The following SSTR5 variants were observed in gnomAD, a reference collection of about 807,000 sequenced individuals.
SSTR5 encodes the protein somatostatin receptor type 5.
Under a neutral mutation model 0.3 loss-of-function variants are expected in SSTR5, and 1 was observed. The observed-to-expected ratio is 2.98, with a 90% CI of 1.06 to 14.15. The LOEUF (loss-of-function observed/expected upper bound fraction) is 14.15, where lower values mean the gene tolerates loss of function less well. Among genes scored for constraint, SSTR5 ranks in the 30% most tolerant of loss-of-function variants. SSTR5 has a pLI of 0.12. For synonymous variants in SSTR5, 256 were observed against 263.1 expected (o/e 0.97, Z 0.26); for missense variants, 516 against 543.2 (o/e 0.95, Z 0.50).
chr16:1,078,618 G>A (rs1250646222), intron 1 of SSTR5: 15 of 581,456 alleles, frequency 2.6e-5, no homozygotes, highest in South Asian at 1.4e-4. Context: ...GCAGCCGTCC[G>A]TCTGGGCTCC....
Position 1,079,576 on chromosome 16 carries a change from C to T in SSTR5, c.708C>T (p.Gly236=). Residue 236 remains glycine, a synonymous_variant, in exon 2 of 2, where the codon GGC becomes GGT. Transcript: ENST00000689027. ...VKVRAAGVRV[G]CVRRRSERKV... ...TGAGGGCGGCGGGCGTGCGCGTGGG[C>T]TGCGTGCGGCGGCGCTCGGAGCGGA... 1 of 1,611,388 alleles carries T rather than the reference C, an allele frequency of 6.2e-7. No individual in the cohort carries two copies. Among genetic ancestry groups the T allele is most frequent in the Non-Finnish European group, 8.5e-7 (1 of 1,179,060 alleles).
chr16:1,079,996 AC>A lies in SSTR5; in HGVS notation c.*38del. On this transcript the variant is annotated 3_prime_UTR_variant, in exon 2 of 2. Coordinates refer to ENST00000689027, the MANE Select transcript of SSTR5 (RefSeq NM_001172560.3). ...GGCGGGGGGTGGGCGGCCCCGTGTC[AC>A]CCCCAGGAGCGGAGGTTGCACTGCG... 4 of 1,560,266 alleles carry A rather than the reference AC, an allele frequency of 2.6e-6. No homozygotes were observed. The highest frequency in any genetic ancestry group is 1.2e-5 in the South Asian group (1 of 83,094).
Position 1,079,802 on chromosome 16 carries a change from C to T in SSTR5, c.934C>T (p.Arg312Cys), listed in dbSNP as rs34011319. The change falls in exon 2 of 2, where the codon CGC becomes TGC. Residue 312 changes from arginine to cysteine, a missense_variant. Coordinates refer to ENST00000689027, the MANE Select transcript of SSTR5 (RefSeq NM_001172560.3). The part of the protein sequence containing the change: ...VLYGFLSDNF[R>C]QSFQKVLCLR... ...CTACGGCTTCCTCTCTGACAACTTC[C>T]GCCAGAGCTTCCAGAAGGTTCTGTG... is the stretch of plus-strand genomic sequence containing the variant. 23 of 1,612,368 alleles carry T rather than the reference C, an allele frequency of 1.4e-5. No individual in the cohort carries two copies. In the East Asian group the frequency reaches 2.5e-4, roughly 17 times the overall value.
At position 1,080,145 on chromosome 16, in the gene SSTR5, C is replaced by T; in HGVS notation, c.*182C>T. The T allele has an allele frequency of 8.4e-6, 7 of 829,626 alleles. No homozygotes were observed. The highest frequency in any genetic ancestry group is 1.3e-5 in the Non-Finnish European group (7 of 544,620). The allele number at this position is 829,626 out of a possible 1,614,324, so 51.4% of individuals were successfully genotyped here. A position where few individuals can be genotyped will look rare whatever the true frequency, so the allele number is the denominator to read the frequency against. On this transcript the variant is annotated 3_prime_UTR_variant, in exon 2 of 2. Coordinates refer to ENST00000689027, the MANE Select transcript of SSTR5 (RefSeq NM_001172560.3). ...GGTTCCCCACCGTGACCGACCATCC[C>T]CTCTAACCGTCTGCCACACAGCGGG...
Position 1,081,053 on chromosome 16 carries a change from C to T in SSTR5, c.*1090C>T. 2.1e-6 allele frequency: 1 copy of T among 470,346 alleles called. No individual in the cohort carries two copies. Among genetic ancestry groups the T allele is most frequent in the Non-Finnish European group, 4.4e-6 (1 of 226,672 alleles). 29.1% of individuals were successfully genotyped at this position (470,346 alleles called of 1,614,324 possible). Reference sequence around the variant, plus strand: ...GCGCGGGTGACGCAAATGGCAGGCCCTGGGAATCCCGCCGCCTCCCACCTA... The same window carrying T: ...GCGCGGGTGACGCAAATGGCAGGCCTTGGGAATCCCGCCGCCTCCCACCTA... On this transcript the variant is annotated 3_prime_UTR_variant, in exon 2 of 2. Transcript: ENST00000689027.
Position 1,078,859 on chromosome 16 carries a change from G to A in SSTR5, c.-10G>A, listed in dbSNP as rs778549943. 6.2e-7 allele frequency: 1 copy of A among 1,603,924 alleles called. No homozygotes were observed. The highest frequency in any genetic ancestry group is 1.1e-5 in the South Asian group (1 of 90,882). On this transcript the variant is annotated 5_prime_UTR_variant, in exon 2 of 2. Coordinates refer to ENST00000689027, the MANE Select transcript of SSTR5 (RefSeq NM_001172560.3). ...TCTTGCAGAGCCTGACGCACCCCAG[G>A]GCTGCCGCCATGGAGCCCCTGTTCC...
At position 1,079,506 on chromosome 16, in the gene SSTR5, C is replaced by T. The variant is rs753849011; in HGVS notation, c.638C>T (p.Pro213Leu). 1.3e-5 allele frequency: 21 copies of T among 1,611,936 alleles called. No individual in the cohort carries two copies. Among genetic ancestry groups the T allele is most frequent in the South Asian group, 8.8e-5 (8 of 91,016 alleles). The change falls in exon 2 of 2, where the codon CCG (proline) becomes CTG (leucine). Residue 213 changes from proline to leucine, a missense_variant. Transcript: ENST00000689027. ...IYTAVLGFFA[P>L]LLVICLCYLL... ...ACGGCCGTGCTGGGCTTCTTCGCGCCGCTGCTGGTCATCTGCCTGTGCTAC... is the reference window on the plus strand; with the variant it reads ...ACGGCCGTGCTGGGCTTCTTCGCGCTGCTGCTGGTCATCTGCCTGTGCTAC...
intron 1 of SSTR5, among the ~76,000 whole-genome samples, chr16:1,075,874 C>A (rs1394263531): frequency 2.2e-4 from 25 of 115,784 alleles, no homozygotes; most frequent in Non-Finnish European, 3.7e-4. Flanking sequence ...CTCCCTCTCT[C>A]CCCCTACCCT....
chr16:1,074,293 T>C (rs1322207612), intron 1 of SSTR5, among the ~76,000 whole-genome samples: 1 of 152,122 alleles, frequency 6.6e-6, no homozygotes, highest in African/African-American at 2.4e-5. Context: ...CCCGGGTGGG[T>C]CTGCAGCCTC....
At position 1,079,939 on chromosome 16, in the gene SSTR5, G is replaced by T. The variant is rs376667866; in HGVS notation, c.1071G>T (p.Gly357=). The change falls in exon 2 of 2, where the codon GGG becomes GGT. Residue 357 remains glycine (G), a synonymous_variant. Coordinates refer to ENST00000689027, the MANE Select transcript of SSTR5 (RefSeq NM_001172560.3). The stretch of plus-strand genomic sequence containing the variant: ...CCGCGCACCGCGCCGCAGCCAACGG[G>T]CTTATGCAGACCAGCAAGCTGTGAG... ...TPPAHRAAAN[G]LMQTSKL 5.7e-5 allele frequency: 92 copies of T among 1,604,848 alleles called. No homozygotes were observed. In the African/African-American group the frequency reaches 8.8e-4, roughly 15 times the overall value.
chr16:1,074,390 C>T (rs550268931), intron 1 of SSTR5, among the ~76,000 whole-genome samples: 4 of 152,226 alleles, frequency 2.6e-5, no homozygotes, highest in Non-Finnish European at 2.9e-5. Context: ...GCAGCCGCAT[C>T]GCTGCCCCCC....
intron 1 of SSTR5, among the ~76,000 whole-genome samples, chr16:1,076,542 A>G (rs1960216253): frequency 6.6e-6 from 1 of 151,056 alleles, no homozygotes; most frequent in African/African-American, 2.4e-5. Context: ...GCGCTCCCAG[A>G]AGGGATCCTG....
chr16:1,074,937 C>T (rs751753433), intron 1 of SSTR5, among the ~76,000 whole-genome samples: 3 of 152,188 alleles, frequency 2.0e-5, no homozygotes, highest in Non-Finnish European at 2.9e-5. Flanking sequence ...CCCCAGACCA[C>T]GCAGCCCGTG....
In SSTR5 at chr16:1,081,336, G is replaced by A; in HGVS notation, c.*1373G>A. ...TGGAGGGCACAGGGAGCGGCTGAGT[G>A]GGCACAAATCCTGGCAGGAGAAAGG... On this transcript the variant is annotated 3_prime_UTR_variant, in exon 2 of 2. Transcript: ENST00000689027. 2.9e-6 allele frequency: 1 copy of A among 344,912 alleles called. No homozygotes were observed. Among genetic ancestry groups the A allele is most frequent in the Non-Finnish European group, 6.0e-6 (1 of 167,276 alleles). 21.4% of individuals were successfully genotyped at this position (344,912 alleles called of 1,614,324 possible).
At chr16:1,075,957 A>G (rs536353731) in intron 1 of SSTR5, among the ~76,000 whole-genome samples, 4 of 6,466 alleles carry the variant, frequency 6.2e-4, no homozygotes, top group African/African-American at 1.4e-3. Flanking sequence ...CTCCCTCCCC[A>G]CCTCCCCCTC....
chr16:1,076,901 C>T (rs537079013), intron 1 of SSTR5, among the ~76,000 whole-genome samples: 70 of 152,266 alleles, frequency 4.6e-4, no homozygotes, highest in Non-Finnish European at 9.4e-4. Context: ...CCTGTTTGCT[C>T]GTTATTTTTA....
intron 1 of SSTR5, among the ~76,000 whole-genome samples, chr16:1,075,201 T>C (rs978231025): frequency 7.2e-5 from 11 of 152,204 alleles, no homozygotes; most frequent in Non-Finnish European, 7.4e-5. Context: ...TAATGGTCTA[T>C]TTGTGTCCTT....
Position 1,079,114 on chromosome 16 carries a change from G to C in SSTR5, c.246G>C (p.Leu82=). 7 of 1,612,712 alleles carry C rather than the reference G, an allele frequency of 4.3e-6. No homozygotes were observed. The highest frequency in any genetic ancestry group is 5.9e-6 in the Non-Finnish European group (7 of 1,179,956). The change falls in exon 2 of 2, where the codon CTG becomes CTC. Residue 82 remains leucine, a synonymous_variant. Coordinates refer to ENST00000689027, the MANE Select transcript of SSTR5 (RefSeq NM_001172560.3). ...TCACCAACATCTACATTCTCAACCT[G>C]GCAGTGGCCGACGTCCTGTACATGC... ...KTVTNIYILN[L]AVADVLYMLG... is the part of the protein sequence containing the mutation.
chr16:1,080,750 TG>T lies in SSTR5; in HGVS notation c.*792del, dbSNP rs768688139. 6.6e-6 allele frequency among the ~76,000 whole-genome samples: 1 copy of T among 152,060 alleles called. No homozygotes were observed. The highest frequency in any genetic ancestry group is 1.5e-5 in the Non-Finnish European group (1 of 67,992). Reference sequence around the variant, plus strand: ...TGAAGGCTGCAGCCCTCCAGGCTGCTGGGGGTGCAGATGGCTGTGCCGTGCT... The same window carrying T: ...TGAAGGCTGCAGCCCTCCAGGCTGCTGGGGTGCAGATGGCTGTGCCGTGCT... On this transcript the variant is annotated 3_prime_UTR_variant, in exon 2 of 2. Transcript: ENST00000689027.
Sources: gnomAD v4.1 joint callset for allele counts (sites outside exome capture counted in the v4.1 genomes callset) on GRCh38, gnomAD v4.1.1 for gene constraint, MANE v1.5 for transcripts, NCBI Gene and HGNC (gene_info 2026-07-23, HGNC 2026-07-21) for gene names.